The following SYN3 variants were observed in gnomAD, a reference collection of about 807,000 sequenced individuals.
SYN3 encodes synapsin III.
Under a neutral mutation model 65.8 loss-of-function variants are expected in SYN3, and 35 were observed. The ratio of observed to expected loss-of-function variants is 0.53; its 90% CI spans 0.41 to 0.70. The LOEUF (loss-of-function observed/expected upper bound fraction) is 0.70. Ranked by LOEUF, SYN3 falls within the 30% of genes least tolerant of loss-of-function variation. SYN3 has a pLI of 0.00. For synonymous variants in SYN3, 270 were observed against 292.9 expected, an observed-to-expected ratio of 0.92 and a Z score of 0.80; for missense variants, 680 against 749.0, an observed-to-expected ratio of 0.91 and a Z score of 1.08.
intron 6 of SYN3, among the ~76,000 whole-genome samples, chr22:32,733,296 C>T (rs1468255911): frequency 6.6e-6 from 1 of 152,178 alleles, no homozygotes; most frequent in Non-Finnish European, 1.5e-5. Flanking sequence ...GGAAAGAGGA[C>T]AGCCATATCA....
At chr22:33,004,155 C>A (rs1048175042) in intron 2 of SYN3, among the ~76,000 whole-genome samples, 1 of 152,220 alleles carries the variant, frequency 6.6e-6, no homozygotes, top group African/African-American at 2.4e-5. Flanking sequence ...CATGGAGAAC[C>A]TCTGCTAGGG....
intron 1 of SYN3, among the ~76,000 whole-genome samples, chr22:33,007,460 A>G (rs1200277622): frequency 6.6e-6 from 1 of 152,074 alleles, no homozygotes; most frequent in Non-Finnish European, 1.5e-5. Flanking sequence ...CACCTCACCA[A>G]ATTTATATGT....
chr22:32,909,006 A>T (rs1474656981), intron 4 of SYN3, among the ~76,000 whole-genome samples: 3 of 152,222 alleles, frequency 2.0e-5, no homozygotes, highest in Non-Finnish European at 2.9e-5. Context: ...TTTAGGCTTG[A>T]TAGGCCTCAC....
In SYN3 at chr22:32,852,616, C is replaced by T. The variant is rs139908313; in HGVS notation, c.711+12299G>A. ...ACTTGGAGAACCTGAGACTCCGAGC[C>T]GCCCTGTCTGACCTCTCTCTTCTCT... On this transcript the variant is annotated intron_variant, in intron 6 of 13. Coordinates refer to ENST00000358763, the MANE Select transcript of SYN3 (RefSeq NM_003490.4). 2.7e-3 allele frequency among the ~76,000 whole-genome samples: 413 copies of T among 152,192 alleles called. 1 individual carries two copies. The highest frequency in any genetic ancestry group is 4.3e-3 in the Non-Finnish European group (289 of 67,998).
chr22:32,547,979 T>C (rs1050519545), intron 7 of SYN3, among the ~76,000 whole-genome samples: 14 of 152,228 alleles, frequency 9.2e-5, no homozygotes, highest in Non-Finnish European at 1.6e-4. Context: ...CTGCACTTCA[T>C]CCACTTGAAG....
chr22:32,734,737 C>T (rs190767108), intron 6 of SYN3, among the ~76,000 whole-genome samples: 125 of 152,320 alleles, frequency 8.2e-4, no homozygotes, highest in Non-Finnish European at 7.2e-4. Flanking sequence ...CTGGATTCCA[C>T]AGGACATTCC....
rs749248197 is a variant in SYN3, at chr22:32,541,639, G to A, written c.849C>T (p.Thr283=). 21 of 1,614,024 alleles carry A rather than the reference G, an allele frequency of 1.3e-5. No homozygotes were observed. In the South Asian group the frequency reaches 1.6e-4, roughly 13 times the overall value. ...VVAMAKTYAT[T]EAFIDSKYDI... ...CGTACTTGGAGTCGATGAAGGCCTCGGTGGTGGCGTAGGTTTTGGCCATGG... is the reference window on the plus strand; with the variant it reads ...CGTACTTGGAGTCGATGAAGGCCTCAGTGGTGGCGTAGGTTTTGGCCATGG... Residue 283 remains threonine (T), a synonymous_variant, in exon 8 of 14, where the codon ACC becomes ACT. Transcript: ENST00000358763.
chr22:32,519,826 G>T (rs1012188100), intron 12 of SYN3: 4 of 152,100 alleles, frequency 2.6e-5, no homozygotes, highest in African/African-American at 9.7e-5. Context: ...TTCTTGCCAC[G>T]TTTTTTTGAG....
chr22:32,759,557 A>T (rs1392053132), intron 6 of SYN3, among the ~76,000 whole-genome samples: 8 of 151,968 alleles, frequency 5.3e-5, no homozygotes, highest in Admixed American at 4.6e-4. Context: ...CAGTTCTGAG[A>T]CCCTTGTCTT....
intron 7 of SYN3, among the ~76,000 whole-genome samples, chr22:32,569,587 A>G (rs1477448169): frequency 9.2e-5 from 10 of 108,198 alleles, no homozygotes; most frequent in Admixed American, 4.4e-4. Context: ...ATATATATAT[A>G]TAAAATCTAT....
chr22:32,805,733 A>T (rs2046715925), intron 6 of SYN3, among the ~76,000 whole-genome samples: 1 of 151,912 alleles, frequency 6.6e-6, no homozygotes, highest in South Asian at 2.1e-4. Context: ...CCAGTTGCTA[A>T]ATGATAAAGC....
At chr22:33,036,882 G>T (rs1313109628) in intron 1 of SYN3, among the ~76,000 whole-genome samples, 1 of 151,750 alleles carries the variant, frequency 6.6e-6, no homozygotes, top group African/African-American at 2.4e-5. Context: ...GTAGAGACGG[G>T]GTTTCTCCAT....
intron 6 of SYN3, among the ~76,000 whole-genome samples, chr22:32,863,279 G>A (rs1388967984): frequency 6.6e-6 from 1 of 152,220 alleles, no homozygotes; most frequent in Non-Finnish European, 1.5e-5. Flanking sequence ...TAGTTCTGCT[G>A]AATCTGGATG....
At chr22:32,669,610 G>C (rs1420301953) in intron 6 of SYN3, among the ~76,000 whole-genome samples, 1 of 152,180 alleles carries the variant, frequency 6.6e-6, no homozygotes, top group Non-Finnish European at 1.5e-5. Context: ...AGCAGTGGTG[G>C]GCACGTTGTT....
At chr22:32,906,016 T>G (rs1474587469) in intron 4 of SYN3, among the ~76,000 whole-genome samples, 1 of 151,982 alleles carries the variant, frequency 6.6e-6, no homozygotes, top group African/African-American at 2.4e-5. Context: ...AATTCCAAGG[T>G]TTGCACAGCT....
intron 6 of SYN3, among the ~76,000 whole-genome samples, chr22:32,810,742 G>A (rs1162350939): frequency 3.3e-5 from 5 of 152,348 alleles, no homozygotes; most frequent in Non-Finnish European, 7.3e-5. Context: ...AGGATGTGGG[G>A]ATGGTGAGTT....
At chr22:32,647,743 G>C (rs888435565) in intron 6 of SYN3, among the ~76,000 whole-genome samples, 2 of 152,068 alleles carry the variant, frequency 1.3e-5, no homozygotes, top group African/African-American at 4.8e-5. Context: ...GGAGTAGCTG[G>C]GATTACAGGT....
chr22:32,864,074 A>T (rs1391223304), intron 6 of SYN3, among the ~76,000 whole-genome samples: 1 of 152,122 alleles, frequency 6.6e-6, no homozygotes, highest in Non-Finnish European at 1.5e-5. Context: ...AGTATCTCCA[A>T]ACAGGACTGT....
chr22:32,933,591 G>C (rs1162053767), intron 3 of SYN3, among the ~76,000 whole-genome samples: 1 of 152,088 alleles, frequency 6.6e-6, no homozygotes, highest in Non-Finnish European at 1.5e-5. Context: ...ACCACACCCA[G>C]CTAATTTTTG....
Sources: gnomAD v4.1 joint callset for allele counts (sites outside exome capture counted in the v4.1 genomes callset) on GRCh38, gnomAD v4.1.1 for gene constraint, MANE v1.5 for transcripts, NCBI Gene and HGNC (gene_info 2026-07-23, HGNC 2026-07-21) for gene names.